COP1: variants seen among roughly 807,000 people sequenced by gnomAD.
COP1 encodes E3 ubiquitin-protein ligase COP1.
COP1 carries 24 observed loss-of-function variants against 101.3 expected under a neutral mutation model. The ratio of observed to expected loss-of-function variants is 0.24; its 90% CI spans 0.17 to 0.33. The LOEUF (loss-of-function observed/expected upper bound fraction) is 0.33, where lower values mean the gene tolerates loss of function less well. Among genes scored for constraint, COP1 ranks in the 10% least tolerant of loss-of-function variants. The pLI is 1.00. For missense variants in COP1, 663 were observed against 906.2 expected (o/e 0.73, Z 3.45); for synonymous variants, 347 against 341.9 (o/e 1.01, Z -0.17).
At chr1:176,014,019 G>A (rs1483722489) in intron 15 of COP1, among the ~76,000 whole-genome samples, 1 of 152,084 alleles carries the variant, frequency 6.6e-6, no homozygotes, top group Non-Finnish European at 1.5e-5. Flanking sequence ...ATTATATGAA[G>A]CTATTTCTCC....
chr1:176,039,313 C>T (rs1369989420), intron 14 of COP1, among the ~76,000 whole-genome samples: 2 of 151,784 alleles, frequency 1.3e-5, no homozygotes, highest in African/African-American at 2.4e-5. Flanking sequence ...AAAAGCACTA[C>T]ATAAAAGGGA....
intron 18 of COP1, among the ~76,000 whole-genome samples, chr1:175,982,117 T>C (rs1201314388): frequency 6.6e-6 from 1 of 151,930 alleles, no homozygotes; most frequent in Non-Finnish European, 1.5e-5. Context: ...AATATGGAGG[T>C]CCTCAAATAC....
intron 11 of COP1, among the ~76,000 whole-genome samples, chr1:176,062,405 G>A (rs1043480896): frequency 6.6e-6 from 1 of 152,098 alleles, no homozygotes; most frequent in Non-Finnish European, 1.5e-5. Context: ...CTAGTGATAA[G>A]GGAAAAGCAT....
rs927264988 is a variant in COP1, at chr1:175,980,515, T to C, written c.2133+6428A>G. ...CTGCATAGAAAGTATTACAGCATAG[T>C]TGATAGGTTCCCAAGCCAAGTTTTG... On this transcript the variant is annotated intron_variant, in intron 18 of 19. Coordinates refer to ENST00000367669, the MANE Select transcript of COP1 (RefSeq NM_022457.7). 7.3e-4 allele frequency among the ~76,000 whole-genome samples: 111 copies of C among 152,294 alleles called. 1 individual carries two copies. The highest frequency in any genetic ancestry group is 2.3e-3 in the African/African-American group (95 of 41,572).
rs1335405532 is a variant in COP1 at position 176,085,758 on chromosome 1, G to A, written c.1141+18C>T. On this transcript the variant is annotated intron_variant, in intron 10 of 19. Coordinates refer to ENST00000367669, the MANE Select transcript of COP1 (RefSeq NM_022457.7). ...GAAATGTAGATTTCAGATAATTTGA[G>A]AAGGTCTAAATATATACCTGAGATA... The A allele has an allele frequency of 3.0e-6, 4 of 1,343,284 alleles. No homozygotes were observed. The highest frequency in any genetic ancestry group is 1.9e-5 in the Admixed American group (1 of 52,928). The allele number at this position is 1,343,284 out of a possible 1,614,324, so 83.2% of individuals were successfully genotyped here.
At chr1:176,076,112 T>C (rs1196058557) in intron 11 of COP1, among the ~76,000 whole-genome samples, 1 of 151,792 alleles carries the variant, frequency 6.6e-6, no homozygotes, top group Non-Finnish European at 1.5e-5. Context: ...ACTCTACACT[T>C]GACCAACTGG....
intron 18 of COP1, among the ~76,000 whole-genome samples, chr1:175,957,042 TTAAGC>T (rs916208488): frequency 2.6e-5 from 4 of 152,142 alleles, no homozygotes; most frequent in African/African-American, 9.7e-5. Flanking sequence ...TGTTTGTGTT[TTAAGC>T]TAAAAGTTAT....
chr1:176,036,504 A>C (rs1322078149), intron 14 of COP1, among the ~76,000 whole-genome samples: 2 of 149,660 alleles, frequency 1.3e-5, no homozygotes, highest in African/African-American at 4.9e-5. Context: ...AAAAACAAAA[A>C]AACAAAAAAA....
intron 15 of COP1, among the ~76,000 whole-genome samples, chr1:176,004,044 T>C (rs977813270): frequency 1.4e-5 from 2 of 146,694 alleles, no homozygotes; most frequent in Admixed American, 6.8e-5. Flanking sequence ...TGGTTTGTAG[T>C]TCTCCTTGAA....
At chr1:176,190,116 G>A (rs562440053) in intron 1 of COP1, among the ~76,000 whole-genome samples, 2 of 152,136 alleles carry the variant, frequency 1.3e-5, no homozygotes, top group South Asian at 2.1e-4. Flanking sequence ...TCAAACTACT[G>A]CAGGGTGAAT....
chr1:176,119,835 C>T (rs1184416378), intron 8 of COP1, among the ~76,000 whole-genome samples: 1 of 152,146 alleles, frequency 6.6e-6, no homozygotes, highest in Non-Finnish European at 1.5e-5. Flanking sequence ...TTAAACTTCA[C>T]AGCTCTAATG....
At chr1:176,133,614 T>C (rs1010935598) in intron 8 of COP1, among the ~76,000 whole-genome samples, 3 of 151,780 alleles carry the variant, frequency 2.0e-5, no homozygotes, top group Non-Finnish European at 4.4e-5. Context: ...CCTAGAATAG[T>C]CCCTAGCACA....
intron 18 of COP1, among the ~76,000 whole-genome samples, chr1:175,986,309 G>A (rs967135771): frequency 6.6e-6 from 1 of 152,010 alleles, no homozygotes; most frequent in African/African-American, 2.4e-5. Flanking sequence ...GTGAGCCACC[G>A]AACCTAGCCT....
chr1:176,158,304 T>C (rs750328606), intron 5 of COP1, among the ~76,000 whole-genome samples: 3 of 152,150 alleles, frequency 2.0e-5, no homozygotes, highest in Non-Finnish European at 2.9e-5. Context: ...TGGAGTACCT[T>C]TCAAACACAA....
Position 176,081,232 on chromosome 1 carries a change from A to C in COP1, c.1197T>G (p.Phe399Leu). Reference sequence around the variant, plus strand: ...AAGGTCGTACTGAATTATATCGAGTAAACTTGGACAAGCATTCCTGAAATT... The same window carrying C: ...AAGGTCGTACTGAATTATATCGAGTCAACTTGGACAAGCATTCCTGAAATT... Reference protein sequence around the residue: ...LDEFQECLSKFTRYNSVRPLA... With the variant: ...LDEFQECLSKLTRYNSVRPLA... Residue 399 changes from phenylalanine to leucine, a missense_variant, in exon 11 of 20, where the codon TTT (phenylalanine) becomes TTG (leucine). This residue lies in a region of COP1 where 212 missense variants were observed against 240.7 expected (regional missense o/e 0.88). Transcript: ENST00000367669. 1 of 1,611,110 alleles carries C rather than the reference A, an allele frequency of 6.2e-7. No individual in the cohort carries two copies. Among genetic ancestry groups the C allele is most frequent in the Non-Finnish European group, 8.5e-7 (1 of 1,178,108 alleles).
Position 176,046,339 on chromosome 1 carries a change from T to C in COP1, c.1278-15A>G, listed in dbSNP as rs757136930. On this transcript the variant is annotated splice_polypyrimidine_tract_variant and intron_variant, in intron 11 of 19. Transcript: ENST00000367669. ...CAAATTCAATACTAAGGGGAAAAAG[T>C]ATGTAATGACAACATTTCAGAATTT... The C allele has an allele frequency of 1.2e-6, 2 of 1,602,742 alleles. No homozygotes were observed. Among genetic ancestry groups the C allele is most frequent in the South Asian group, 1.1e-5 (1 of 88,172 alleles).
intron 15 of COP1, among the ~76,000 whole-genome samples, chr1:175,991,241 G>T (rs901282774): frequency 1.3e-5 from 2 of 152,110 alleles, no homozygotes; most frequent in African/African-American, 4.8e-5. Context: ...ACACACTTAG[G>T]TTATGTGGAA....
chr1:176,032,548 C>A (rs1425430719), intron 14 of COP1, among the ~76,000 whole-genome samples: 4 of 152,086 alleles, frequency 2.6e-5, no homozygotes, highest in Admixed American at 2.6e-4. Flanking sequence ...CAACACACTG[C>A]AGTTGAGCTG....
rs190789413 is a variant in COP1 at position 176,094,364 on chromosome 1, T to C, written c.1027-8474A>G. On this transcript the variant is annotated intron_variant, in intron 9 of 19. Transcript: ENST00000367669. ...CATCATCATATGCCAGTTTAATTAT[T>C]AAATTATAAATAATATTAATATAAA... Among the ~76,000 whole-genome samples the C allele has an allele frequency of 1.4e-3, 209 of 151,586 alleles. 2 individuals are homozygous for C. The highest frequency in any genetic ancestry group is 0.013 in the Admixed American group (196 of 15,244).
Sources: allele counts gnomAD v4.1 joint callset (sites outside exome capture counted in the v4.1 genomes callset), GRCh38; gene constraint gnomAD v4.1.1; regional missense constraint gnomAD v4.1.1; transcripts MANE v1.5; gene names NCBI Gene and HGNC (gene_info 2026-07-23, HGNC 2026-07-21).